IL21R: variants seen among roughly 807,000 people sequenced by gnomAD.
The protein encoded by IL21R is interleukin 21 receptor.
A neutral mutation model predicts 41.3 loss-of-function variants in IL21R; 14 were observed. The observed-to-expected ratio is 0.34, with a 90% confidence interval of 0.22 to 0.53. IL21R has a LOEUF of 0.53. Among genes scored for constraint, IL21R ranks in the 20% least tolerant of loss-of-function variants. The probability of loss-of-function intolerance (pLI) is 0.94; values close to 1 mark genes in which losing one functional copy is unlikely to be tolerated. For missense variants in IL21R, 588 were observed against 681.6 expected (o/e 0.86, Z 1.53); for synonymous variants, 286 against 287.6 (o/e 0.99, Z 0.05).
Position 27,434,459 on chromosome 16 carries a change from C to A in IL21R, c.152+10C>A, listed in dbSNP as rs761690967. 1 of 1,570,368 alleles carries A rather than the reference C, an allele frequency of 6.4e-7. No individual in the cohort carries two copies. ...CGCTCACCCTTACCTGGTAAGTAGC[C>A]GGGCCTCACCAGTCCCCGGGGATGC... is the stretch of plus-strand genomic sequence containing the variant. On this transcript the variant is annotated intron_variant, in intron 3 of 8. Coordinates refer to ENST00000337929, the MANE Select transcript of IL21R (RefSeq NM_181078.3).
chr16:27,438,929 GGTGTGT>G (rs60330499), intron 4 of IL21R, among the ~76,000 whole-genome samples: 3 of 149,126 alleles, frequency 2.0e-5, no homozygotes, highest in African/African-American at 7.4e-5. Context: ...GCTTTGGCAT[GGTGTGT>G]GTGTGTGTGT....
chr16:27,411,149 CT>C (rs1237428462), intron 1 of IL21R, among the ~76,000 whole-genome samples: 1 of 151,932 alleles, frequency 6.6e-6, no homozygotes, highest in Non-Finnish European at 1.5e-5. Context: ...CTTTGAGATG[CT>C]GTTTTTATTT....
intron 1 of IL21R, among the ~76,000 whole-genome samples, chr16:27,421,720 A>G (rs1281229563): frequency 1.3e-5 from 2 of 152,076 alleles, no homozygotes. Flanking sequence ...CAACTAGGCT[A>G]AATTTGTTTA....
intron 8 of IL21R, among the ~76,000 whole-genome samples, chr16:27,446,507 G>A (rs983801860): frequency 3.3e-5 from 5 of 151,926 alleles, no homozygotes; most frequent in African/African-American, 1.2e-4. Flanking sequence ...GGAGGCTGAG[G>A]CAGGACGATC....
At chr16:27,424,263 T>G (rs568361934) in intron 1 of IL21R, among the ~76,000 whole-genome samples, 1 of 152,032 alleles carries the variant, frequency 6.6e-6, no homozygotes, top group Non-Finnish European at 1.5e-5. Context: ...TTAGTAGAGA[T>G]GGGTTTCACC....
chr16:27,437,430 C>T, intron 3 of IL21R, 58 bp from the exon 4 acceptor site: 1 of 1,421,280 alleles, frequency 7.0e-7, no homozygotes, highest in Admixed American at 1.7e-5. Flanking sequence ...GCACTGAGCC[C>T]ACCACCATCC....
intron 1 of IL21R, among the ~76,000 whole-genome samples, chr16:27,417,265 G>T (rs1016709771): frequency 6.8e-6 from 1 of 147,970 alleles, no homozygotes; most frequent in African/African-American, 2.5e-5. Flanking sequence ...GGGCTCATGT[G>T]ATCCTCCCAC....
In IL21R at chr16:27,444,668, G is replaced by T; in HGVS notation, c.634G>T (p.Gly212Trp). 1 of 1,565,238 alleles carries T rather than the reference G, an allele frequency of 6.4e-7. No homozygotes were observed. The highest frequency in any genetic ancestry group is 2.4e-5 in the East Asian group (1 of 41,764). ...GCCCATGCCTGGCTCCTCCTACCAG[G>T]GGACCTGGAGTGAATGGAGTGACCC... ...AGPMPGSSYQ[G>W]TWSEWSDPVI... Residue 212 changes from glycine (G) to tryptophan (W), a missense_variant, in exon 6 of 9, where the codon GGG becomes TGG. Physicochemically the swap from Gly to Trp is radical, Grantham distance 184. Coordinates refer to ENST00000337929, the MANE Select transcript of IL21R (RefSeq NM_181078.3).
rs745784206 is a variant in IL21R, at chr16:27,437,711, T to A, written c.352+24T>A. On this transcript the variant is annotated intron_variant, in intron 4 of 8. Coordinates refer to ENST00000337929, the MANE Select transcript of IL21R (RefSeq NM_181078.3). ...CAGTGAGTATCCTGGGACCCCAGGC[T>A]TAGGGTGGCACTCAATCTTAGCTCA... is the stretch of plus-strand genomic sequence containing the variant. The A allele has an allele frequency of 1.9e-6, 3 of 1,599,688 alleles. No individual in the cohort carries two copies. The South Asian group carries it at 3.3e-5, about 18-fold the overall frequency.
intron 3 of IL21R, among the ~76,000 whole-genome samples, chr16:27,437,051 G>A (rs974887599): frequency 4.6e-5 from 7 of 152,130 alleles, no homozygotes; most frequent in African/African-American, 1.7e-4. Context: ...CTCCAGCCTG[G>A]GGCCAGAGTG....
At chr16:27,408,892 G>T (rs1331769570) in intron 1 of IL21R, among the ~76,000 whole-genome samples, 1 of 152,146 alleles carries the variant, frequency 6.6e-6, no homozygotes, top group African/African-American at 2.4e-5. Flanking sequence ...AAAAGATACA[G>T]GGAAACCAAG....
At chr16:27,429,984 A>G in intron 1 of IL21R, 72 bp from the exon 2 acceptor site, 1 of 1,308,000 alleles carries the variant, frequency 7.6e-7, no homozygotes, top group Non-Finnish European at 1.1e-6. Context: ...GCCTGGGAAG[A>G]GACAGGATGA....
rs1259042659 is a variant in IL21R at position 27,430,051 on chromosome 16, T to C, written c.-16-5T>C. The stretch of plus-strand genomic sequence containing the variant: ...GGCTCACCCTCCACTGTACGTCTCT[T>C]GCAGGCCCGTGGGAGTCAGCATGCC... On this transcript the variant is annotated splice_polypyrimidine_tract_variant and splice_region_variant and intron_variant, in intron 1 of 8. Transcript: ENST00000337929. 23 of 1,605,774 alleles carry C rather than the reference T, an allele frequency of 1.4e-5. No individual in the cohort carries two copies. Among genetic ancestry groups the C allele is most frequent in the Non-Finnish European group, 1.9e-5 (23 of 1,179,718 alleles).
chr16:27,418,532 C>G (rs2086939762), intron 1 of IL21R, among the ~76,000 whole-genome samples: 1 of 151,984 alleles, frequency 6.6e-6, no homozygotes, highest in African/African-American at 2.4e-5. Context: ...CCACGCTCGG[C>G]TAATTTTTTT....
chr16:27,444,671 A>G lies in IL21R; in HGVS notation c.637A>G (p.Thr213Ala). Residue 213 changes from threonine to alanine, a missense_variant, in exon 6 of 9, where the codon ACC becomes GCC. Physicochemically the swap from Thr to Ala is moderately conservative, Grantham distance 58. Coordinates refer to ENST00000337929, the MANE Select transcript of IL21R (RefSeq NM_181078.3). ...GPMPGSSYQG[T>A]WSEWSDPVIF... is the part of the protein sequence containing the mutation. ...CATGCCTGGCTCCTCCTACCAGGGG[A>G]CCTGGAGTGAATGGAGTGACCCGGT... 1 of 1,564,636 alleles carries G rather than the reference A, an allele frequency of 6.4e-7. No homozygotes were observed. The highest frequency in any genetic ancestry group is 1.2e-5 in the South Asian group (1 of 83,752).
chr16:27,445,364 G>C (rs902856121), intron 7 of IL21R, 88 bp downstream of exon 7: 1 of 813,202 alleles, frequency 1.2e-6, no homozygotes, highest in Non-Finnish European at 2.1e-6. Flanking sequence ...AAACATGACT[G>C]TCATCATGGT....
intron 1 of IL21R, among the ~76,000 whole-genome samples, chr16:27,404,261 T>C (rs903715492): frequency 6.6e-6 from 1 of 152,014 alleles, no homozygotes; most frequent in Non-Finnish European, 1.5e-5. Flanking sequence ...CTAAAAGCCC[T>C]TGTGATAGGA....
chr16:27,444,494 T>G, intron 5 of IL21R, 48 bp from the exon 6 acceptor site: 1 of 1,356,666 alleles, frequency 7.4e-7, no homozygotes, highest in Non-Finnish European at 9.7e-7. Flanking sequence ...AGGCAGGGGC[T>G]GGCCTGGTTT....
At position 27,443,080 on chromosome 16, in the gene IL21R, G is replaced by C. The variant is rs753598359; in HGVS notation, c.471G>C (p.Glu157Asp). The change falls in exon 5 of 9, where the codon GAG (glutamate) becomes GAC (aspartate). Residue 157 changes from glutamate (E) to aspartate (D), a missense_variant. Glu to Asp is a conservative substitution (Grantham distance 45). Coordinates refer to ENST00000337929, the MANE Select transcript of IL21R (RefSeq NM_181078.3). ...TGCTGAAGGGCAAGCTTCAGTATGA[G>C]CTGCAGTACAGGAACCGGGGAGACC... ...FYMLKGKLQY[E>D]LQYRNRGDPW... is the part of the protein sequence containing the mutation. The C allele has an allele frequency of 6.2e-7, 1 of 1,613,990 alleles. No individual in the cohort carries two copies. Among genetic ancestry groups the C allele is most frequent in the Admixed American group, 1.7e-5 (1 of 60,004 alleles).
Sources: gnomAD v4.1 joint callset for allele counts (sites outside exome capture counted in the v4.1 genomes callset) on GRCh38, gnomAD v4.1.1 for gene constraint, MANE v1.5 for transcripts, NCBI Gene and HGNC (gene_info 2026-07-23, HGNC 2026-07-21) for gene names.